Variants in LGSN observed in about 807,000 individuals in gnomAD.
LGSN encodes lengsin, lens protein with glutamine synthetase domain, also known as lengsin.
LGSN carries 21 observed loss-of-function variants against 19.5 expected under a neutral mutation model. That is an observed-to-expected ratio of 1.07 (90% confidence interval 0.76 to 1.55). The LOEUF (loss-of-function observed/expected upper bound fraction) is 1.55, where lower values mean the gene tolerates loss of function less well. LGSN is among the 40% of genes most tolerant of loss of function. The pLI is 0.00. For missense variants in LGSN, 673 were observed against 608.5 expected, an observed-to-expected ratio of 1.11 and a Z score of -1.12; for synonymous variants, 257 against 215.6, an observed-to-expected ratio of 1.19 and a Z score of -1.68.
chr6:63,324,241 C>T (rs1769174807), upstream of LGSN, among the ~76,000 whole-genome samples: 1 of 152,170 alleles, frequency 6.6e-6, no homozygotes, highest in South Asian at 2.1e-4. Flanking sequence ...GGTCCCTGAA[C>T]CATACTTTCA....
the LGSN span, among the ~76,000 whole-genome samples, chr6:63,326,285 C>T: frequency 4.6e-5 from 7 of 152,114 alleles, no homozygotes; most frequent in Non-Finnish European, 8.8e-5. Flanking sequence ...GTTTACAAAC[C>T]TTGAGCTAGA....
the LGSN span, among the ~76,000 whole-genome samples, chr6:63,417,522 T>A: frequency 6.6e-6 from 1 of 152,246 alleles, no homozygotes; most frequent in Non-Finnish European, 1.5e-5. Context: ...TTAATAACTT[T>A]ACATTTTGTT....
chr6:63,342,109 C>T, the LGSN span, among the ~76,000 whole-genome samples: 3 of 152,320 alleles, frequency 2.0e-5, no homozygotes, highest in South Asian at 6.2e-4. Flanking sequence ...CAAGCTACAT[C>T]ACCCAGTGTA....
chr6:63,525,392 G>T, the LGSN span, among the ~76,000 whole-genome samples: 1 of 152,156 alleles, frequency 6.6e-6, no homozygotes, highest in African/African-American at 2.4e-5. Context: ...GAGGAAGGAG[G>T]TGGAACACAC....
the LGSN span, among the ~76,000 whole-genome samples, chr6:63,551,664 C>T: frequency 1.3e-5 from 2 of 151,862 alleles, no homozygotes; most frequent in Non-Finnish European, 2.9e-5. Context: ...TTAGTTATAT[C>T]TCCTAATGCT....
chr6:63,277,009 A>C lies in LGSN; in HGVS notation c.*3012T>G, dbSNP rs1184037400. On this transcript the variant is annotated 3_prime_UTR_variant, in exon 4 of 4. Coordinates refer to ENST00000370657, the MANE Select transcript of LGSN (RefSeq NM_016571.3). ...CACACCTAACTGAAATCTTGGTGGA[A>C]ACTGCCACACCAACTTACGTTATCA... 1 of 119,948 alleles carries C rather than the reference A, an allele frequency of 8.3e-6. No homozygotes were observed. The highest frequency in any genetic ancestry group is 2.5e-4 in the East Asian group (1 of 4,052). The allele number at this position is 119,948 out of a possible 1,614,324, so 7.4% of individuals were successfully genotyped here.
At chr6:63,327,307 G>T in the LGSN span, among the ~76,000 whole-genome samples, 33 of 152,204 alleles carry the variant, frequency 2.2e-4, no homozygotes, top group African/African-American at 5.8e-4. Context: ...GGCCCCAAAG[G>T]TAAGTAACAG....
chr6:63,492,799 A>C, the LGSN span, among the ~76,000 whole-genome samples: 2 of 152,240 alleles, frequency 1.3e-5, no homozygotes, highest in Admixed American at 1.3e-4. Flanking sequence ...TAATGGCTTA[A>C]ATTTTACATC....
the LGSN span, among the ~76,000 whole-genome samples, chr6:63,499,485 T>A: frequency 1.3e-5 from 2 of 152,096 alleles, no homozygotes; most frequent in South Asian, 4.1e-4. Context: ...GGTGGGGCTT[T>A]AAGAGTTTTT....
chr6:63,443,525 C>A, the LGSN span: 1 of 681,228 alleles, frequency 1.5e-6, no homozygotes, highest in Non-Finnish European at 1.9e-6. Context: ...CCATCTGTGA[C>A]AATGTGGTCC....
chr6:63,566,779 G>A, the LGSN span, among the ~76,000 whole-genome samples: 1 of 152,128 alleles, frequency 6.6e-6, no homozygotes, highest in African/African-American at 2.4e-5. Flanking sequence ...TTTCTCTGTA[G>A]CAGGCAGTGC....
chr6:63,288,665 A>G (rs753525432), intron 2 of LGSN, among the ~76,000 whole-genome samples: 7 of 152,188 alleles, frequency 4.6e-5, no homozygotes, highest in Non-Finnish European at 1.0e-4. Context: ...ATTTTCTCAT[A>G]GTTCTGAAGG....
chr6:63,458,403 G>C, the LGSN span, among the ~76,000 whole-genome samples: 1 of 152,070 alleles, frequency 6.6e-6, no homozygotes, highest in African/African-American at 2.4e-5. Context: ...ATATATTAGC[G>C]TTGGAAACAA....
the LGSN span, among the ~76,000 whole-genome samples, chr6:63,569,772 C>G: frequency 6.6e-6 from 1 of 152,106 alleles, no homozygotes; most frequent in Non-Finnish European, 1.5e-5. Context: ...TAAGCATTGG[C>G]TTTTAGAGGT....
At chr6:63,525,642 T>C in the LGSN span, among the ~76,000 whole-genome samples, 1 of 152,224 alleles carries the variant, frequency 6.6e-6, no homozygotes, top group African/African-American at 2.4e-5. Context: ...CTCAGAGGTC[T>C]GGATTCCAGC....
the LGSN span, among the ~76,000 whole-genome samples, chr6:63,543,291 A>G: frequency 6.6e-6 from 1 of 151,978 alleles, no homozygotes; most frequent in Admixed American, 6.6e-5. Flanking sequence ...ACTAAAATGA[A>G]CCCTCCTCAG....
chr6:63,419,637 C>G, the LGSN span, among the ~76,000 whole-genome samples: 1 of 152,014 alleles, frequency 6.6e-6, no homozygotes, highest in Non-Finnish European at 1.5e-5. Context: ...GCCTGTAATC[C>G]TAGCACTTTG....
At chr6:63,544,122 G>A in the LGSN span, among the ~76,000 whole-genome samples, 1 of 152,084 alleles carries the variant, frequency 6.6e-6, no homozygotes, top group Non-Finnish European at 1.5e-5. Flanking sequence ...ATTGTGGGGA[G>A]TAAAGACTAC....
At chr6:63,454,470 C>CTT in the LGSN span, among the ~76,000 whole-genome samples, 1,505 of 118,624 alleles carry the variant, frequency 0.013, 36 homozygotes, top group African/African-American at 0.026. Context: ...TTTACATTTT[C>CTT]TTTTTTTTTT....
Sources: gnomAD v4.1 joint callset for allele counts (sites outside exome capture counted in the v4.1 genomes callset) on GRCh38, gnomAD v4.1.1 for gene constraint, MANE v1.5 for transcripts, NCBI Gene and HGNC (gene_info 2026-07-23, HGNC 2026-07-21) for gene names.